Variants in FZD4 observed in about 807,000 individuals in gnomAD.
The protein encoded by FZD4 is frizzled class receptor 4, also known as frizzled-4.
Under a neutral mutation model 37.3 loss-of-function variants are expected in FZD4, and 16 were observed. The observed-to-expected ratio is 0.43, with a 90% CI of 0.29 to 0.65. FZD4 has a LOEUF of 0.65. FZD4 is among the 30% of genes least tolerant of loss of function. FZD4 has a pLI of 0.16. For synonymous variants in FZD4, 246 were observed against 254.8 expected (o/e 0.97, Z 0.33); for missense variants, 599 against 674.3 (o/e 0.89, Z 1.24).
rs1422478237 is a variant in FZD4, at chr11:86,952,546, G to A, written c.286-76C>T. The A allele has an allele frequency of 3.9e-6, 6 of 1,521,560 alleles. No individual in the cohort carries two copies. The East Asian group carries it at 1.3e-4, about 34-fold the overall frequency. The allele number at this position is 1,521,560 out of a possible 1,614,324, so 94.3% of individuals were successfully genotyped here. ...TTTGACCAAATGCTCCCACAAAGCTGAGTTGAATGCTTCCAGGCAATCTAG... is the reference window on the plus strand; with the variant it reads ...TTTGACCAAATGCTCCCACAAAGCTAAGTTGAATGCTTCCAGGCAATCTAG... On this transcript the variant is annotated intron_variant, in intron 1 of 1. Coordinates refer to ENST00000531380, the MANE Select transcript of FZD4 (RefSeq NM_012193.4).
chr11:86,947,761 T>G lies in FZD4; in HGVS notation c.*3381A>C, dbSNP rs886866749. On this transcript the variant is annotated 3_prime_UTR_variant, in exon 2 of 2. Coordinates refer to ENST00000531380, the MANE Select transcript of FZD4 (RefSeq NM_012193.4). Reference sequence around the variant, plus strand: ...AGCACCACTCTACCCCCATGTTCCCTTGCCCTGAGGTTTGGCCTATATGAA... The same window carrying G: ...AGCACCACTCTACCCCCATGTTCCCGTGCCCTGAGGTTTGGCCTATATGAA... 6.6e-6 allele frequency: 1 copy of G among 152,272 alleles called. No individual in the cohort carries two copies. The highest frequency in any genetic ancestry group is 2.4e-5 in the African/African-American group (1 of 41,408). The allele number at this position is 152,272 out of a possible 1,614,324, so 9.4% of individuals were successfully genotyped here. A position where few individuals can be genotyped will look rare whatever the true frequency, so the allele number is the denominator to read the frequency against.
Position 86,951,189 on chromosome 11 carries a change from C to G in FZD4, c.1567G>C (p.Gly523Arg), listed in dbSNP as rs199577384. 2.9e-4 allele frequency: 472 copies of G among 1,614,026 alleles called. No individual in the cohort carries two copies. Among genetic ancestry groups the G allele is most frequent in the Non-Finnish European group, 3.9e-4 (456 of 1,179,858 alleles). ...TTTCCAGGCTTCACCCAACCATTTCCTCTCTTCTCTCTCTTTACCTTTCCA... is the reference window on the plus strand; with the variant it reads ...TTTCCAGGCTTCACCCAACCATTTCGTCTCTTCTCTCTCTTTACCTTTCCA... ...NSGKVKREKR[G>R]NGWVKPGKGS... is the part of the protein sequence containing the mutation. The change falls in exon 2 of 2, where the codon GGA becomes CGA. Residue 523 changes from glycine (G) to arginine (R), a missense_variant. Gly to Arg is a moderately radical substitution (Grantham distance 125). Transcript: ENST00000531380.
In FZD4 at chr11:86,951,044, C is replaced by CA. The variant is rs1269765581; in HGVS notation, c.*97dup. 9 of 1,327,090 alleles carry CA rather than the reference C, an allele frequency of 6.8e-6. No homozygotes were observed. The highest frequency in any genetic ancestry group is 9.8e-6 in the Non-Finnish European group (9 of 921,538). The allele number at this position is 1,327,090 out of a possible 1,614,324, so 82.2% of individuals were successfully genotyped here. ...GTCACTTAATTGTTGCTAGTTTGTT[C>CA]AAACTGAGATTCACTGCATAAAACT... On this transcript the variant is annotated 3_prime_UTR_variant, in exon 2 of 2. Transcript: ENST00000531380.
At chr11:86,952,596 C>CG in intron 1 of FZD4, 126 bp from the exon 2 acceptor site, 1 of 990,248 alleles carries the variant, frequency 1.0e-6, no homozygotes, top group Non-Finnish European at 1.6e-6. Context: ...ACCAACCTAT[C>CG]GGGAGTCTGT....
At position 86,955,266 on chromosome 11, in the gene FZD4, G is replaced by A; in HGVS notation, c.-181C>T. 1 of 494,444 alleles carries A rather than the reference G, an allele frequency of 2.0e-6. No individual in the cohort carries two copies. The highest frequency in any genetic ancestry group is 3.4e-6 in the Non-Finnish European group (1 of 289,916). 30.6% of individuals were successfully genotyped at this position (494,444 alleles called of 1,614,324 possible). ...CGCGCGACTGTGTGGGATTTTAGAC[G>A]TCCCGGGCCGAGGCCGAGGGACAGG... On this transcript the variant is annotated 5_prime_UTR_variant, in exon 1 of 2. It adds an upstream start codon to the 5' untranslated region. Transcript: ENST00000531380.
Position 86,955,175 on chromosome 11 carries a change from T to TCC in FZD4, c.-92_-91dup, listed in dbSNP as rs1177457900. 3 of 1,047,956 alleles carry TCC rather than the reference T, an allele frequency of 2.9e-6. No individual in the cohort carries two copies. Among genetic ancestry groups the TCC allele is most frequent in the African/African-American group, 1.7e-5 (1 of 58,678 alleles). 64.9% of individuals were successfully genotyped at this position (1,047,956 alleles called of 1,614,324 possible). A position where few individuals can be genotyped will look rare whatever the true frequency, so the allele number is the denominator to read the frequency against. ...CGGGGGCGCCGGCTGCCCGCGCTGC[T>TCC]CCCAGCTCCCGGGACGGGAGTGTGA... is the stretch of plus-strand genomic sequence containing the variant. On this transcript the variant is annotated 5_prime_UTR_variant, in exon 1 of 2. Coordinates refer to ENST00000531380, the MANE Select transcript of FZD4 (RefSeq NM_012193.4).
chr11:86,953,622 CTT>C (rs201227566), intron 1 of FZD4, among the ~76,000 whole-genome samples: 2 of 146,794 alleles, frequency 1.4e-5, no homozygotes, highest in Non-Finnish European at 3.0e-5. Flanking sequence ...CTTTTCTTTT[CTT>C]TTTTTTTTTG....
In FZD4 at chr11:86,955,335, C is replaced by G. The variant is rs899312260; in HGVS notation, c.-250G>C. 2 of 382,876 alleles carry G rather than the reference C, an allele frequency of 5.2e-6. No individual in the cohort carries two copies. Among genetic ancestry groups the G allele is most frequent in the South Asian group, 2.0e-4 (2 of 9,770 alleles). The allele number at this position is 382,876 out of a possible 1,614,324, so 23.7% of individuals were successfully genotyped here. A position where few individuals can be genotyped will look rare whatever the true frequency, so the allele number is the denominator to read the frequency against. ...CAGGCGGCGAGCCCACAAGCCGGCGCCGGCCGCGTCCGTTCGGCGTCTCCG... is the reference window on the plus strand; with the variant it reads ...CAGGCGGCGAGCCCACAAGCCGGCGGCGGCCGCGTCCGTTCGGCGTCTCCG... On this transcript the variant is annotated 5_prime_UTR_variant, in exon 1 of 2. Coordinates refer to ENST00000531380, the MANE Select transcript of FZD4 (RefSeq NM_012193.4).
Position 86,955,034 on chromosome 11 carries a change from C to T in FZD4, c.52G>A (p.Gly18Ser). The change falls in exon 1 of 2, where the codon GGT becomes AGT. Residue 18 changes from glycine (G) to serine (S), a missense_variant. Coordinates refer to ENST00000531380, the MANE Select transcript of FZD4 (RefSeq NM_012193.4). The part of the protein sequence containing the change: ...PSVPGAPGGV[G>S]LSLGLLLQLL... ...TGCAGGAGCAACCCCAGACTGAGAC[C>T]GACGCCCCCGGGCGCCCCCGGGACG... The T allele has an allele frequency of 6.2e-7, 1 of 1,609,052 alleles. No individual in the cohort carries two copies. Among genetic ancestry groups the T allele is most frequent in the South Asian group, 1.1e-5 (1 of 90,778 alleles).
chr11:86,947,697 T>TA lies in FZD4; in HGVS notation c.*3444dup, dbSNP rs1262041599. On this transcript the variant is annotated 3_prime_UTR_variant, in exon 2 of 2. Transcript: ENST00000531380. ...ATGGGTCTCCATAAAGGAAAGAGGA[T>TA]ATGAATCAACCAAGTAGCTCAAGCA... The TA allele has an allele frequency of 6.6e-6, 1 of 152,210 alleles. No homozygotes were observed. Among genetic ancestry groups the TA allele is most frequent in the Non-Finnish European group, 1.5e-5 (1 of 68,106 alleles). 9.4% of individuals were successfully genotyped at this position (152,210 alleles called of 1,614,324 possible). A position where few individuals can be genotyped will look rare whatever the true frequency, so the allele number is the denominator to read the frequency against.
rs757495000 is a variant in FZD4, at chr11:86,950,418, AAAC to A, written c.*721_*723del. The A allele has an allele frequency of 1.3e-5, 2 of 152,850 alleles. No individual in the cohort carries two copies. Among genetic ancestry groups the A allele is most frequent in the East Asian group, 3.9e-4 (2 of 5,188 alleles). The allele number at this position is 152,850 out of a possible 1,614,324, so 9.5% of individuals were successfully genotyped here. ...TTGAGTCATTAACATAAAATGAAGA[AAAC>A]AGCAGCAGCCAAGAAGAGAGATGTT... On this transcript the variant is annotated 3_prime_UTR_variant, in exon 2 of 2. Transcript: ENST00000531380.
At position 86,952,222 on chromosome 11, in the gene FZD4, C is replaced by G; in HGVS notation, c.534G>C (p.Gly178=). Residue 178 remains glycine (G), a synonymous_variant, in exon 2 of 2, where the codon GGG becomes GGC. Transcript: ENST00000531380. ...TGGTTCCCACAGAGTGACACTCTTC[C>G]CCAGGCTGGATGGGGGTTTTGTGAG... The part of the protein sequence containing the change: ...PLPHKTPIQP[G]EECHSVGTNS... 6.2e-7 allele frequency: 1 copy of G among 1,614,114 alleles called. No homozygotes were observed. The highest frequency in any genetic ancestry group is 8.5e-7 in the Non-Finnish European group (1 of 1,179,962).
At chr11:86,954,081 T>C (rs976283942) in intron 1 of FZD4, 2 of 218,960 alleles carry the variant, frequency 9.1e-6, no homozygotes, top group African/African-American at 4.7e-5. Flanking sequence ...AAATTTTTTA[T>C]TTTGCAGGAT....
rs1380260640 is a variant in FZD4 at position 86,951,884 on chromosome 11, A to G, written c.872T>C (p.Val291Ala). Reference sequence around the variant, plus strand: ...GTTCTTAAGTCCTTCTTGGATGAGAACAGGTTCTGCTGCCTCTTCAAAATC... The same window carrying G: ...GTTCTTAAGTCCTTCTTGGATGAGAGCAGGTTCTGCTGCCTCTTCAAAATC... ...SCDFEEAAEP[V>A]LIQEGLKNTG... The change falls in exon 2 of 2, where the codon GTT becomes GCT. Residue 291 changes from valine (V) to alanine (A), a missense_variant. Physicochemically the swap from Val to Ala is moderately conservative, Grantham distance 64 (BLOSUM62 0). Around this residue, in one of 3 missense-constraint regions of FZD4, gnomAD observed 357 missense variants for 396.1 expected, o/e 0.90. Transcript: ENST00000531380. The G allele has an allele frequency of 6.2e-7, 1 of 1,613,758 alleles. No homozygotes were observed. The highest frequency in any genetic ancestry group is 8.5e-7 in the Non-Finnish European group (1 of 1,180,016).
chr11:86,949,405 T>TG lies in FZD4; in HGVS notation c.*1736dup, dbSNP rs1949270862. On this transcript the variant is annotated 3_prime_UTR_variant, in exon 2 of 2. Coordinates refer to ENST00000531380, the MANE Select transcript of FZD4 (RefSeq NM_012193.4). ...GAAATGTTTTTCCACAAAGTGTGAT[T>TG]GAAAAAAAAAAAAAGAAAAAAAAAA... is the stretch of plus-strand genomic sequence containing the variant. 2.1e-5 allele frequency: 3 copies of TG among 143,506 alleles called. No individual in the cohort carries two copies. Among genetic ancestry groups the TG allele is most frequent in the African/African-American group, 8.1e-5 (3 of 37,134 alleles). 8.9% of individuals were successfully genotyped at this position (143,506 alleles called of 1,614,324 possible). A position where few individuals can be genotyped will look rare whatever the true frequency, so the allele number is the denominator to read the frequency against.
chr11:86,950,078 T>C lies in FZD4; in HGVS notation c.*1064A>G, dbSNP rs1211631770. Reference sequence around the variant, plus strand: ...GTTTTAAAGTCAGTTGAGTATACTATGTCATGGTCCAACAATGTGCTTTTA... The same window carrying C: ...GTTTTAAAGTCAGTTGAGTATACTACGTCATGGTCCAACAATGTGCTTTTA... On this transcript the variant is annotated 3_prime_UTR_variant, in exon 2 of 2. Coordinates refer to ENST00000531380, the MANE Select transcript of FZD4 (RefSeq NM_012193.4). The C allele has an allele frequency of 6.6e-6, 1 of 152,470 alleles. No homozygotes were observed. The highest frequency in any genetic ancestry group is 6.5e-5 in the Admixed American group (1 of 15,284). 9.4% of individuals were successfully genotyped at this position (152,470 alleles called of 1,614,324 possible).
At chr11:86,954,349 A>C in intron 1 of FZD4, 1 of 985,430 alleles carries the variant, frequency 1.0e-6, no homozygotes, top group South Asian at 4.7e-5. Flanking sequence ...GGGGCTATTC[A>C]GCAGAAAAAG....
Sources: gnomAD v4.1 joint callset for allele counts (sites outside exome capture counted in the v4.1 genomes callset) on GRCh38, gnomAD v4.1.1 for gene constraint, gnomAD v4.1.1 regional missense constraint, MANE v1.5 for transcripts, NCBI Gene and HGNC (gene_info 2026-07-23, HGNC 2026-07-21) for gene names.